ADAMTS6: variants seen among roughly 807,000 people sequenced by gnomAD.
ADAMTS6 encodes the protein A disintegrin and metalloproteinase with thrombospondin motifs 6.
ADAMTS6 carries 23 observed loss-of-function variants against 144.3 expected under a neutral mutation model. The observed-to-expected ratio is 0.16, with a 90% confidence interval of 0.11 to 0.23. ADAMTS6 has a LOEUF of 0.23. Among genes scored for constraint, ADAMTS6 ranks in the 10% least tolerant of loss-of-function variants. ADAMTS6 has a pLI of 1.00. For synonymous variants in ADAMTS6, 444 were observed against 457.5 expected, an observed-to-expected ratio of 0.97 and a Z score of 0.38; for missense variants, 999 against 1,379.6, an observed-to-expected ratio of 0.72 and a Z score of 4.37.
intron 7 of ADAMTS6, among the ~76,000 whole-genome samples, chr5:65,439,512 A>T (rs1757708958): frequency 6.6e-6 from 1 of 152,150 alleles, no homozygotes; most frequent in Non-Finnish European, 1.5e-5. Flanking sequence ...CCAAATGAAG[A>T]TATGTCTCAT....
intron 7 of ADAMTS6, among the ~76,000 whole-genome samples, chr5:65,364,868 C>G (rs1021473703): frequency 6.6e-6 from 1 of 151,870 alleles, no homozygotes; most frequent in African/African-American, 2.4e-5. Flanking sequence ...GCCTGGCCTG[C>G]CTGATTGAAT....
chr5:65,162,956 C>T (rs917597763), intron 24 of ADAMTS6, among the ~76,000 whole-genome samples: 4 of 152,156 alleles, frequency 2.6e-5, no homozygotes, highest in Admixed American at 6.5e-5. Context: ...GTTGCCCTGG[C>T]TGGAGTGCAG....
chr5:65,165,998 A>G (rs1325329946), intron 24 of ADAMTS6, among the ~76,000 whole-genome samples: 45 of 145,840 alleles, frequency 3.1e-4, no homozygotes, highest in African/African-American at 5.1e-4. Context: ...ACCAGCTAAC[A>G]TCATAATGAC....
At chr5:65,272,345 C>G (rs1214501076) in intron 12 of ADAMTS6, among the ~76,000 whole-genome samples, 1 of 152,054 alleles carries the variant, frequency 6.6e-6, no homozygotes, top group Non-Finnish European at 1.5e-5. Context: ...TCTGTTTCAA[C>G]AATTGTTGTT....
chr5:65,227,231 A>G (rs1489614920), intron 15 of ADAMTS6, among the ~76,000 whole-genome samples: 1 of 151,952 alleles, frequency 6.6e-6, no homozygotes, highest in Non-Finnish European at 1.5e-5. Flanking sequence ...ATAAATACAC[A>G]CAGCAATTTG....
chr5:65,245,710 C>T (rs910068570), intron 14 of ADAMTS6, among the ~76,000 whole-genome samples: 16 of 151,966 alleles, frequency 1.1e-4, no homozygotes, highest in Non-Finnish European at 1.3e-4. Flanking sequence ...TCAAACTTTA[C>T]CTCTAAAGGT....
At chr5:65,356,160 A>G (rs1230504289) in intron 7 of ADAMTS6, among the ~76,000 whole-genome samples, 1 of 151,852 alleles carries the variant, frequency 6.6e-6, no homozygotes, top group African/African-American at 2.4e-5. Flanking sequence ...TTTTCAATGT[A>G]TTTCATACAT....
chr5:65,457,105 CG>C (rs554626018), intron 4 of ADAMTS6, among the ~76,000 whole-genome samples: 301 of 152,238 alleles, frequency 2.0e-3, no homozygotes, highest in African/African-American at 6.8e-3. Flanking sequence ...AAACACAAAA[CG>C]TTTTTTTTCC....
intron 22 of ADAMTS6, among the ~76,000 whole-genome samples, chr5:65,181,032 T>G (rs755353523): frequency 2.6e-5 from 4 of 152,190 alleles, no homozygotes; most frequent in Non-Finnish European, 4.4e-5. Context: ...TGGCAATTAT[T>G]ATTCTGTTTT....
At chr5:65,284,735 A>G (rs1262304342) in intron 11 of ADAMTS6, among the ~76,000 whole-genome samples, 1 of 152,148 alleles carries the variant, frequency 6.6e-6, no homozygotes, top group African/African-American at 2.4e-5. Flanking sequence ...AAAATATAAC[A>G]ATGGTCACAA....
At chr5:65,414,459 A>T (rs1055105443) in intron 7 of ADAMTS6, among the ~76,000 whole-genome samples, 1 of 152,120 alleles carries the variant, frequency 6.6e-6, no homozygotes, top group African/African-American at 2.4e-5. Context: ...TTGCCCCCCT[A>T]CACTAAATGA....
At chr5:65,463,093 A>G (rs1759746842) in intron 3 of ADAMTS6, among the ~76,000 whole-genome samples, 3 of 148,470 alleles carry the variant, frequency 2.0e-5, no homozygotes, top group African/African-American at 7.5e-5. Flanking sequence ...AAAAAAAAAA[A>G]GCTAATTGAT....
chr5:65,439,238 C>T (rs1042321312), intron 7 of ADAMTS6, among the ~76,000 whole-genome samples: 2 of 152,060 alleles, frequency 1.3e-5, no homozygotes, highest in Non-Finnish European at 2.9e-5. Context: ...GTTAGAATAT[C>T]ATCACTGGAT....
At chr5:65,457,060 A>G (rs1249752224) in intron 4 of ADAMTS6, among the ~76,000 whole-genome samples, 1 of 152,224 alleles carries the variant, frequency 6.6e-6, no homozygotes, top group East Asian at 1.9e-4. Flanking sequence ...TATCACAATT[A>G]AGATGTTAGC....
intron 13 of ADAMTS6, 42 bp downstream of exon 13, chr5:65,262,775 A>G (rs1761309657): frequency 2.0e-6 from 3 of 1,471,780 alleles, no homozygotes; most frequent in Non-Finnish European, 9.0e-7. Flanking sequence ...ATCATTTCCA[A>G]CTGTGTCTTT....
chr5:65,375,256 A>C (rs1203217844), intron 7 of ADAMTS6, among the ~76,000 whole-genome samples: 3 of 152,204 alleles, frequency 2.0e-5, no homozygotes, highest in African/African-American at 7.2e-5. Flanking sequence ...CAAAATTGAC[A>C]AATGGGATCT....
intron 22 of ADAMTS6, among the ~76,000 whole-genome samples, chr5:65,174,915 T>C (rs7730250): frequency 0.74 from 112,438 of 151,504 alleles, 42,268 homozygotes; most frequent in African/African-American, 0.85. Context: ...AGGGAGATTA[T>C]GGTGTTACTA....
chr5:65,301,198 T>C (rs1465463991), intron 9 of ADAMTS6, among the ~76,000 whole-genome samples: 2 of 152,218 alleles, frequency 1.3e-5, no homozygotes, highest in African/African-American at 4.8e-5. Flanking sequence ...ACCCACTACA[T>C]ACCATATATA....
intron 23 of ADAMTS6, among the ~76,000 whole-genome samples, chr5:65,172,622 G>A (rs1259268310): frequency 1.3e-5 from 2 of 152,184 alleles, no homozygotes; most frequent in East Asian, 3.8e-4. Context: ...TGGGAAGTGT[G>A]TGGGTGTGGG....
Sources: allele counts gnomAD v4.1 joint callset (sites outside exome capture counted in the v4.1 genomes callset), GRCh38; gene constraint gnomAD v4.1.1; transcripts MANE v1.5; gene names NCBI Gene and HGNC (gene_info 2026-07-23, HGNC 2026-07-21).